The following POLE2 variants were observed in gnomAD, a reference collection of about 807,000 sequenced individuals.
POLE2 encodes the protein DNA polymerase epsilon 2, accessory subunit, also known as DNA polymerase epsilon subunit 2.
POLE2 carries 56 observed loss-of-function variants against 79.4 expected under a neutral mutation model. The ratio of observed to expected loss-of-function variants is 0.71; its 90% CI spans 0.57 to 0.88. The LOEUF (loss-of-function observed/expected upper bound fraction) is 0.88. Among genes scored for constraint, POLE2 ranks in the 40% least tolerant of loss-of-function variants. The pLI, the probability that POLE2 is intolerant of heterozygous loss-of-function variation, is 0.00. For missense variants in POLE2, 598 were observed against 638.9 expected, an observed-to-expected ratio of 0.94 and a Z score of 0.69; for synonymous variants, 212 against 214.0, an observed-to-expected ratio of 0.99 and a Z score of 0.08.
intron 7 of POLE2, among the ~76,000 whole-genome samples, chr14:49,665,896 A>G (rs1202213770): frequency 1.3e-5 from 2 of 152,052 alleles, no homozygotes; most frequent in African/African-American, 4.8e-5. Context: ...GCACCATCTC[A>G]GCTCACTACA....
At chr14:49,655,579 G>T (rs1424824921) in intron 11 of POLE2, 92 bp downstream of exon 11, 25 of 795,592 alleles carry the variant, frequency 3.1e-5, no homozygotes, top group South Asian at 1.1e-4. Flanking sequence ...TTTTTAAATA[G>T]AATACTCAAA....
rs1456468481 is a variant in POLE2, at chr14:49,674,151, A to C, written c.389T>G (p.Phe130Cys). ...FGTPRDKAEM[F>C]RERYTILHQR... Reference sequence around the variant, plus strand: ...GTGCAAAATGGTATATCGCTCACGAAACATCTCTGCTTTATCTCTTGGTGT... The same window carrying C: ...GTGCAAAATGGTATATCGCTCACGACACATCTCTGCTTTATCTCTTGGTGT... Residue 130 changes from phenylalanine to cysteine, a missense_variant, in exon 5 of 19, where the codon TTT (phenylalanine) becomes TGT (cysteine). Transcript: ENST00000216367. 1.2e-6 allele frequency: 2 copies of C among 1,613,454 alleles called. No homozygotes were observed. The highest frequency in any genetic ancestry group is 2.2e-5 in the South Asian group (2 of 91,070).
chr14:49,671,618 G>GACAAAAAAAA (rs748209998), intron 5 of POLE2, among the ~76,000 whole-genome samples: 1 of 58,698 alleles, frequency 1.7e-5, no homozygotes, highest in African/African-American at 6.9e-5. Context: ...CTCTGCCTCA[G>GACAAAAAAAA]AAAAAAAAAA....
intron 18 of POLE2, among the ~76,000 whole-genome samples, chr14:49,646,309 T>TTTG (rs1566522645): frequency 1.0e-4 from 6 of 57,718 alleles, no homozygotes; most frequent in African/African-American, 2.7e-4. Flanking sequence ...TTGGTTTTTT[T>TTTG]TTTTTTTTTT....
At chr14:49,668,000 G>T (rs1286678352) in intron 6 of POLE2, among the ~76,000 whole-genome samples, 1 of 152,192 alleles carries the variant, frequency 6.6e-6, no homozygotes, top group Non-Finnish European at 1.5e-5. Flanking sequence ...GACTGGGCGT[G>T]GTGGTTCACG....
chr14:49,646,299 T>C (rs1181316817), intron 18 of POLE2, among the ~76,000 whole-genome samples: 1 of 135,460 alleles, frequency 7.4e-6, no homozygotes, highest in African/African-American at 2.8e-5. Flanking sequence ...TGTTTTTTTG[T>C]TGGTTTTTTT....
intron 5 of POLE2, among the ~76,000 whole-genome samples, chr14:49,670,572 G>A (rs751042555): frequency 1.3e-5 from 2 of 152,118 alleles, no homozygotes; most frequent in Non-Finnish European, 2.9e-5. Context: ...GAAAATGAAA[G>A]TACTCCATCC....
intron 17 of POLE2, among the ~76,000 whole-genome samples, chr14:49,647,603 G>A (rs1282660398): frequency 6.6e-6 from 1 of 151,972 alleles, no homozygotes; most frequent in Non-Finnish European, 1.5e-5. Flanking sequence ...ACAGGCATGG[G>A]CCACCACGCC....
chr14:49,655,673 G>A lies in POLE2; in HGVS notation c.926C>T (p.Ala309Val). The A allele has an allele frequency of 6.2e-7, 1 of 1,602,790 alleles. No homozygotes were observed. Among genetic ancestry groups the A allele is most frequent in the South Asian group, 1.1e-5 (1 of 88,740 alleles). Residue 309 changes from alanine (A) to valine (V), a missense_variant and splice_region_variant, in exon 11 of 19, where the codon GCT (alanine) becomes GTT (valine). By Grantham distance (64) the Ala-to-Val change is moderately conservative. Coordinates refer to ENST00000216367, the MANE Select transcript of POLE2 (RefSeq NM_002692.4). ...AGAAGAAAAAAAATAAGACCTACCA[G>A]CAAACATTATGCGAAGTTTTTCCAA... ...EVLEKLRIMF[A>V]GYSPAPPTCF...
In POLE2 at chr14:49,654,560, G is replaced by A. The variant is rs572038723; in HGVS notation, c.1073+224C>T. The A allele has an allele frequency of 5.3e-5, 26 of 491,164 alleles. 1 individual carries two copies. The Middle Eastern group carries it at 1.7e-3, about 32-fold the overall frequency. The allele number at this position is 491,164 out of a possible 1,614,324, so 30.4% of individuals were successfully genotyped here. ...TCTAGACTCTTAAGAGTAATGCCAC[G>A]AAGAAATTCCAAGTATGGCTGAAAT... On this transcript the variant is annotated intron_variant, in intron 13 of 18. Transcript: ENST00000216367.
chr14:49,663,530 G>A (rs891374146), intron 9 of POLE2, 143 bp from the exon 10 acceptor site: 3 of 446,388 alleles, frequency 6.7e-6, no homozygotes, highest in Non-Finnish European at 8.1e-6. Context: ...ATGAACCACA[G>A]TGAACAACTT....
intron 18 of POLE2, among the ~76,000 whole-genome samples, chr14:49,646,302 G>GTTTTTTTTGTTTTTTTTTTTTTTT (rs1883758731): frequency 1.2e-5 from 1 of 84,554 alleles, no homozygotes; most frequent in Admixed American, 1.2e-4. Flanking sequence ...TTTTTTGTTG[G>GTTTTTTTTGTTTTTTTTTTTTTTT]TTTTTTTTTT....
At chr14:49,653,894 G>A (rs923038289) in intron 15 of POLE2, 96 bp downstream of exon 15, 41 of 678,806 alleles carry the variant, frequency 6.0e-5, no homozygotes, top group Non-Finnish European at 7.6e-5. Flanking sequence ...GCCTGCCTCG[G>A]CCTCCCAAAG....
At chr14:49,652,628 T>C (rs1385179648) in intron 15 of POLE2, among the ~76,000 whole-genome samples, 1 of 152,146 alleles carries the variant, frequency 6.6e-6, no homozygotes, top group Admixed American at 6.5e-5. Context: ...ACGTGAGTGA[T>C]CTAGGCTGCA....
At chr14:49,688,078 C>G (rs2139708519) in intron 1 of POLE2, 58 bp downstream of exon 1, 1 of 1,360,116 alleles carries the variant, frequency 7.4e-7, no homozygotes, top group Non-Finnish European at 1.0e-6. Context: ...GCTGCCGCAC[C>G]AGGCAGACGG....
At position 49,677,561 on chromosome 14, in the gene POLE2, C is replaced by T. The variant is rs139622601; in HGVS notation, c.245+2164G>A. 5.4e-5 allele frequency: 26 copies of T among 479,214 alleles called. 1 individual carries two copies. Among genetic ancestry groups the T allele is most frequent in the South Asian group, 1.6e-4 (5 of 31,964 alleles). The allele number at this position is 479,214 out of a possible 1,614,324, so 29.7% of individuals were successfully genotyped here. On this transcript the variant is annotated intron_variant, in intron 3 of 18. Coordinates refer to ENST00000216367, the MANE Select transcript of POLE2 (RefSeq NM_002692.4). ...CCGGACTAGGCGACCCAGCAGTGCA[C>T]CATCTCCTACTGAGCCCTAGAGCTC...
At chr14:49,659,200 T>G (rs1446119584) in intron 10 of POLE2, among the ~76,000 whole-genome samples, 1 of 152,110 alleles carries the variant, frequency 6.6e-6, no homozygotes, top group East Asian at 1.9e-4. Context: ...GAGGATTGCT[T>G]GAGGCCAGGA....
chr14:49,661,033 G>A (rs553722119), intron 10 of POLE2, among the ~76,000 whole-genome samples: 18 of 152,196 alleles, frequency 1.2e-4, no homozygotes, highest in African/African-American at 3.4e-4. Context: ...AAGTTCAAGC[G>A]ATTCTCTCAC....
In POLE2 at chr14:49,654,138, A is replaced by C; in HGVS notation, c.1133+17T>G. Reference sequence around the variant, plus strand: ...CAAAATTTTCTACACTGTTGCAAAAATCTGAACAAAACTTACCTTGGTAAG... The same window carrying C: ...CAAAATTTTCTACACTGTTGCAAAACTCTGAACAAAACTTACCTTGGTAAG... On this transcript the variant is annotated intron_variant, in intron 14 of 18. Transcript: ENST00000216367. 1 of 1,606,822 alleles carries C rather than the reference A, an allele frequency of 6.2e-7. No homozygotes were observed. The highest frequency in any genetic ancestry group is 8.5e-7 in the Non-Finnish European group (1 of 1,174,960).
Sources: allele counts gnomAD v4.1 joint callset (sites outside exome capture counted in the v4.1 genomes callset), GRCh38; gene constraint gnomAD v4.1.1; transcripts MANE v1.5; gene names NCBI Gene and HGNC (gene_info 2026-07-23, HGNC 2026-07-21).